ZSCAN10: variants seen among roughly 807,000 people sequenced by gnomAD.
ZSCAN10 encodes zinc finger and SCAN domain-containing protein 10.
ZSCAN10 carries 52 observed loss-of-function variants against 63.7 expected under a neutral mutation model. The ratio of observed to expected loss-of-function variants is 0.82; its 90% CI spans 0.65 to 1.03. The LOEUF is 1.03. Ranked by LOEUF, ZSCAN10 falls within the 50% of genes least tolerant of loss-of-function variation. The pLI is 0.00. For missense variants in ZSCAN10, 1,223 were observed against 1,103.8 expected, an observed-to-expected ratio of 1.11 and a Z score of -1.53; for synonymous variants, 544 against 479.6, an observed-to-expected ratio of 1.13 and a Z score of -1.76.
chr16:3,089,767 C>A lies in ZSCAN10; in HGVS notation c.1667G>T (p.Gly556Val). The A allele has an allele frequency of 6.3e-7, 1 of 1,598,094 alleles. No homozygotes were observed. The highest frequency in any genetic ancestry group is 8.5e-7 in the Non-Finnish European group (1 of 1,178,442). Residue 556 changes from glycine to valine, a missense_variant, in exon 6 of 6, where the codon GGC becomes GTC. Transcript: ENST00000576985. ...CTGCGAGCTCTGCGTGAAGCTGCGG[C>A]CGCAAGCCTGGCAGGAGAAGGGCCG... is the stretch of plus-strand genomic sequence containing the variant. Reference protein sequence around the residue: ...GERPFSCQACGRSFTQSSQLV... With the variant: ...GERPFSCQACVRSFTQSSQLV...
rs188406617 is a variant in ZSCAN10, at chr16:3,094,872, G to C, written c.-67-1868C>G. Among the ~76,000 whole-genome samples, 5 of 150,652 alleles carry C rather than the reference G, an allele frequency of 3.3e-5. No homozygotes were observed. The East Asian group carries it at 9.7e-4, about 29-fold the overall frequency. ...CTTAAAGGCTTTAAAAGACATCCTG[G>C]GGCCAGTCGGAAAATGGTGAGTATG... On this transcript the variant is annotated intron_variant, in intron 1 of 5. Coordinates refer to ENST00000576985, the MANE Select transcript of ZSCAN10 (RefSeq NM_032805.3).
chr16:3,090,106 C>G lies in ZSCAN10; in HGVS notation c.1328G>C (p.Arg443Pro). 6.2e-7 allele frequency: 1 copy of G among 1,601,230 alleles called. No homozygotes were observed. The highest frequency in any genetic ancestry group is 8.5e-7 in the Non-Finnish European group (1 of 1,177,558). The change falls in exon 6 of 6, where the codon CGC becomes CCC. Residue 443 changes from arginine to proline, a missense_variant. By Grantham distance (103) the Arg-to-Pro change is moderately radical. Transcript: ENST00000576985. Reference sequence around the variant, plus strand: ...CAGGTGCTGCACAAGGCTGGCGCGGCGCTGGAAGCCGCGGCCGCACTCTGC... The same window carrying G: ...CAGGTGCTGCACAAGGCTGGCGCGGGGCTGGAAGCCGCGGCCGCACTCTGC... ...LCAECGRGFQ[R>P]RASLVQHLLA...
rs1470877719 is a variant in ZSCAN10 at position 3,092,697 on chromosome 16, T to G, written c.241A>C (p.Lys81Gln). ...AGCACCAGCAGCTCCAGGATCTGTT[T>G]CTTGGTGTGCAGAGCCGGCCGCAGC... ...HWLRPALHTK[K>Q]QILELLVLEQ... Residue 81 changes from lysine to glutamine, a missense_variant, in exon 2 of 6, where the codon AAA (lysine) becomes CAA (glutamine). By Grantham distance (53) the Lys-to-Gln change is moderately conservative. Coordinates refer to ENST00000576985, the MANE Select transcript of ZSCAN10 (RefSeq NM_032805.3). 6.2e-7 allele frequency: 1 copy of G among 1,613,406 alleles called. No homozygotes were observed. Among genetic ancestry groups the G allele is most frequent in the East Asian group, 2.2e-5 (1 of 44,864 alleles).
Position 3,088,993 on chromosome 16 carries a change from G to C in ZSCAN10, c.*98C>G, listed in dbSNP as rs757987581. ...ACAGCTGTGAAAGTGGAAGGAGAGG[G>C]AAGTGGGGTGTGGTGGGAAGGGACA... On this transcript the variant is annotated 3_prime_UTR_variant, in exon 6 of 6. Transcript: ENST00000576985. 1.4e-6 allele frequency: 2 copies of C among 1,387,130 alleles called. No homozygotes were observed. The highest frequency in any genetic ancestry group is 3.1e-5 in the African/African-American group (2 of 65,228). The allele number at this position is 1,387,130 out of a possible 1,614,324, so 85.9% of individuals were successfully genotyped here.
At position 3,092,827 on chromosome 16, in the gene ZSCAN10, C is replaced by A; in HGVS notation, c.111G>T (p.Arg37Ser). ...SPEDPRRPESRLRPEVAHQLF... is the reference protein window; with the variant it reads ...SPEDPRRPESSLRPEVAHQLF... ...GCTGGTGAGCCACCTCGGGCCTCAG[C>A]CTGGACTCTGGTCGCCTGGGGTCCT... Residue 37 changes from arginine (R) to serine (S), a missense_variant, in exon 2 of 6, where the codon AGG (arginine) becomes AGT (serine). Arg to Ser is a moderately radical substitution (Grantham distance 110). Transcript: ENST00000576985. 6.6e-7 allele frequency: 1 copy of A among 1,504,902 alleles called. No individual in the cohort carries two copies. The highest frequency in any genetic ancestry group is 1.3e-5 in the South Asian group (1 of 78,306). 93.2% of individuals were successfully genotyped at this position (1,504,902 alleles called of 1,614,324 possible). A position where few individuals can be genotyped will look rare whatever the true frequency, so the allele number is the denominator to read the frequency against.
chr16:3,092,999 C>G lies in ZSCAN10; in HGVS notation c.-62G>C. Reference sequence around the variant, plus strand: ...GCTCTTGGGTCTCTCTCCTCTCCTCCCACACCTGCGAAGGTGAACACCCTG... The same window carrying G: ...GCTCTTGGGTCTCTCTCCTCTCCTCGCACACCTGCGAAGGTGAACACCCTG... On this transcript the variant is annotated 5_prime_UTR_variant, in exon 2 of 6. Transcript: ENST00000576985. 2 of 1,383,414 alleles carry G rather than the reference C, an allele frequency of 1.4e-6. No homozygotes were observed. Among genetic ancestry groups the G allele is most frequent in the Non-Finnish European group, 9.3e-7 (1 of 1,072,292 alleles). 85.7% of individuals were successfully genotyped at this position (1,383,414 alleles called of 1,614,324 possible).
At chr16:3,095,313 C>G (rs1025972355) in intron 1 of ZSCAN10, among the ~76,000 whole-genome samples, 35 of 151,968 alleles carry the variant, frequency 2.3e-4, no homozygotes, top group Admixed American at 2.2e-3. Context: ...GTCAGGAGAT[C>G]GAGACCATCC....
In ZSCAN10 at chr16:3,093,676, CT is replaced by C. The variant is rs987437094; in HGVS notation, c.-67-673del. Among the ~76,000 whole-genome samples, 62 of 120,416 alleles carry C rather than the reference CT, an allele frequency of 5.1e-4. 2 individuals are homozygous for C. Among genetic ancestry groups the C allele is most frequent in the Admixed American group, 9.1e-4 (11 of 12,054 alleles). The allele number at this position is 120,416 out of a possible 152,430, so 79.0% of individuals were successfully genotyped here. On this transcript the variant is annotated intron_variant, in intron 1 of 5. Transcript: ENST00000576985. Reference sequence around the variant, plus strand: ...GGCCAAAAAAGTTTGTTTTTTAAAGCTTTTTTTTTTCTTTTTTTTTTTGAGA... The same window carrying C: ...GGCCAAAAAAGTTTGTTTTTTAAAGCTTTTTTTTTCTTTTTTTTTTTGAGA...
Position 3,092,949 on chromosome 16 carries a change from G to T in ZSCAN10, c.-12C>A. The T allele has an allele frequency of 7.1e-7, 1 of 1,416,176 alleles. No individual in the cohort carries two copies. Among genetic ancestry groups the T allele is most frequent in the South Asian group, 1.5e-5 (1 of 64,762 alleles). The allele number at this position is 1,416,176 out of a possible 1,614,324, so 87.7% of individuals were successfully genotyped here. Reference sequence around the variant, plus strand: ...GATTCTCCAAGCATCCTTCACTGCGGGGATGCCTCCCTAACGCCAGCCCCG... The same window carrying T: ...GATTCTCCAAGCATCCTTCACTGCGTGGATGCCTCCCTAACGCCAGCCCCG... On this transcript the variant is annotated 5_prime_UTR_variant, in exon 2 of 6. Coordinates refer to ENST00000576985, the MANE Select transcript of ZSCAN10 (RefSeq NM_032805.3).
At chr16:3,092,006 C>T (rs559893386) in intron 3 of ZSCAN10, 43 bp downstream of exon 3, 21 of 1,551,286 alleles carry the variant, frequency 1.4e-5, no homozygotes, top group African/African-American at 5.5e-5. Flanking sequence ...CAGGCCCCTC[C>T]GCGACACCCA....
At chr16:3,096,080 G>A (rs1376301010) in intron 1 of ZSCAN10, among the ~76,000 whole-genome samples, 1 of 152,170 alleles carries the variant, frequency 6.6e-6, no homozygotes, top group African/African-American at 2.4e-5. Context: ...CCAATCTAGG[G>A]CTGTGGGGCT....
In ZSCAN10 at chr16:3,089,241, C is replaced by T. The variant is rs769915465; in HGVS notation, c.2193G>A (p.Lys731=). The change falls in exon 6 of 6, where the codon AAG becomes AAA. Residue 731 remains lysine (K), a synonymous_variant. Transcript: ENST00000576985. ...GCAGATTGCAGCTGCGGCTGAAGCT[C>T]TTCCCGCACTCCACGCACTCCTGCG... The part of the protein sequence containing the change: ...EPPQECVECG[K]SFSRSCNLLR... The T allele has an allele frequency of 6.3e-7, 1 of 1,582,286 alleles. No individual in the cohort carries two copies. Among genetic ancestry groups the T allele is most frequent in the South Asian group, 1.1e-5 (1 of 88,204 alleles).
chr16:3,089,768 C>T lies in ZSCAN10; in HGVS notation c.1666G>A (p.Gly556Ser), dbSNP rs780986421. Residue 556 changes from glycine to serine, a missense_variant, in exon 6 of 6, where the codon GGC becomes AGC. Gly to Ser is a moderately conservative substitution (Grantham distance 56). Transcript: ENST00000576985. Reference protein sequence around the residue: ...GERPFSCQACGRSFTQSSQLV... With the variant: ...GERPFSCQACSRSFTQSSQLV... ...TGCGAGCTCTGCGTGAAGCTGCGGC[C>T]GCAAGCCTGGCAGGAGAAGGGCCGC... 7.5e-6 allele frequency: 12 copies of T among 1,597,604 alleles called. No individual in the cohort carries two copies. Among genetic ancestry groups the T allele is most frequent in the South Asian group, 3.3e-5 (3 of 90,560 alleles).
chr16:3,088,908 T>G lies in ZSCAN10; in HGVS notation c.*183A>C. ...GGGGCCATTTTGGAGAAGGCCATTT[T>G]ACTTCGGGCGTTTTAATTACATAGC... On this transcript the variant is annotated 3_prime_UTR_variant, in exon 6 of 6. Transcript: ENST00000576985. 1 of 1,216,282 alleles carries G rather than the reference T, an allele frequency of 8.2e-7. No individual in the cohort carries two copies. The highest frequency in any genetic ancestry group is 3.1e-5 in the East Asian group (1 of 31,828). The allele number at this position is 1,216,282 out of a possible 1,614,324, so 75.3% of individuals were successfully genotyped here.
At chr16:3,091,338 G>A (rs1466611639) in intron 5 of ZSCAN10, among the ~76,000 whole-genome samples, 12 of 151,868 alleles carry the variant, frequency 7.9e-5, no homozygotes, top group Non-Finnish European at 1.2e-4. Flanking sequence ...AGGGTCTGGA[G>A]CTTCAGGCAA....
At chr16:3,091,372 G>A (rs953306532) in intron 5 of ZSCAN10, among the ~76,000 whole-genome samples, 168 bp downstream of exon 5, 2 of 152,098 alleles carry the variant, frequency 1.3e-5, no homozygotes, top group Non-Finnish European at 1.5e-5. Context: ...GGCCGGTCAC[G>A]GTGGCTCATG....
At chr16:3,091,153 C>T (rs1957069226) in intron 5 of ZSCAN10, among the ~76,000 whole-genome samples, 1 of 150,318 alleles carries the variant, frequency 6.7e-6, no homozygotes, top group African/African-American at 2.5e-5. Flanking sequence ...TTTGACCTCT[C>T]TACAAAAAGT....
At chr16:3,098,651 T>G (rs1957185444) in intron 1 of ZSCAN10, among the ~76,000 whole-genome samples, 1 of 150,564 alleles carries the variant, frequency 6.6e-6, no homozygotes, top group Non-Finnish European at 1.5e-5. Context: ...TCTGTTAATA[T>G]GCACCTCTGT....
At chr16:3,098,195 C>G (rs1180631457) in intron 1 of ZSCAN10, among the ~76,000 whole-genome samples, 1 of 152,048 alleles carries the variant, frequency 6.6e-6, no homozygotes, top group South Asian at 2.1e-4. Flanking sequence ...CATCCATTGC[C>G]GTGCAGGAGC....
Sources: gnomAD v4.1 joint callset for allele counts (sites outside exome capture counted in the v4.1 genomes callset) on GRCh38, gnomAD v4.1.1 for gene constraint, MANE v1.5 for transcripts, NCBI Gene and HGNC (gene_info 2026-07-23, HGNC 2026-07-21) for gene names.